Variants in DNPEP observed in about 807,000 individuals in gnomAD.
The protein encoded by DNPEP is aspartyl aminopeptidase.
In DNPEP, 46 loss-of-function variants were observed where a neutral mutation model predicts 59.1. The observed-to-expected ratio is 0.78, with a 90% CI of 0.61 to 0.99. The LOEUF is 0.99. DNPEP is among the 50% of genes least tolerant of loss of function. The pLI, the probability that DNPEP is intolerant of heterozygous loss-of-function variation, is 0.00. For missense variants in DNPEP, 617 were observed against 649.9 expected, an observed-to-expected ratio of 0.95 and a Z score of 0.55; for synonymous variants, 229 against 242.2, an observed-to-expected ratio of 0.95 and a Z score of 0.50.
At chr2:219,398,189 A>G (rs1382687805) in intron 1 of DNPEP, among the ~76,000 whole-genome samples, 1 of 152,220 alleles carries the variant, frequency 6.6e-6, no homozygotes, top group Admixed American at 6.5e-5. Flanking sequence ...AGTTCTTCAA[A>G]TAGTTAAGTG....
At chr2:219,377,361 C>CTTG (rs1191743512) in intron 13 of DNPEP, among the ~76,000 whole-genome samples, 1 of 143,592 alleles carries the variant, frequency 7.0e-6, no homozygotes, top group Non-Finnish European at 1.5e-5. Context: ...AAATACGGGG[C>CTTG]TTACAGACAA....
chr2:219,385,716 G>T lies in DNPEP; in HGVS notation c.591-10C>A. The stretch of plus-strand genomic sequence containing the variant: ...GGCAAGAATGGGGACTCTGTGGGGA[G>T]ACGTGGGTTGTGGGGGGATTGCGAG... On this transcript the variant is annotated splice_polypyrimidine_tract_variant and intron_variant, in intron 6 of 14. Coordinates refer to ENST00000273075, the MANE Select transcript of DNPEP (RefSeq NM_012100.4). 6.3e-7 allele frequency: 1 copy of T among 1,595,432 alleles called. No homozygotes were observed. Among genetic ancestry groups the T allele is most frequent in the African/African-American group, 1.3e-5 (1 of 74,620 alleles).
rs1181903791 is a variant in DNPEP, at chr2:219,382,126, C to T, written c.950G>A (p.Ser317Asn). The T allele has an allele frequency of 6.2e-7, 1 of 1,611,082 alleles. No individual in the cohort carries two copies. ...LYDNEEVGSE[S>N]AQGAQSLLTE... is the part of the protein sequence containing the mutation. Reference sequence around the variant, plus strand: ...CAGCAGTGACTGTGCTCCCTGTGCACTCTCAGACCCCACCTGGCGACAGTA... The same window carrying T: ...CAGCAGTGACTGTGCTCCCTGTGCATTCTCAGACCCCACCTGGCGACAGTA... The change falls in exon 11 of 15, where the codon AGT becomes AAT. Residue 317 changes from serine to asparagine, a missense_variant. Coordinates refer to ENST00000273075, the MANE Select transcript of DNPEP (RefSeq NM_012100.4).
Position 219,372,056 on chromosome 2 carries a change from A to G in DNPEP, c.*2236T>C, listed in dbSNP as rs1394133107. ...CAATGATATATGTACATTTATCTCAATGTTATTTAGAGTTGTCAACTGGAG... is the reference window on the plus strand; with the variant it reads ...CAATGATATATGTACATTTATCTCAGTGTTATTTAGAGTTGTCAACTGGAG... On this transcript the variant is annotated 3_prime_UTR_variant, in exon 15 of 15. Coordinates refer to ENST00000273075, the MANE Select transcript of DNPEP (RefSeq NM_012100.4). Among the ~76,000 whole-genome samples the G allele has an allele frequency of 6.6e-6, 1 of 152,222 alleles. No individual in the cohort carries two copies. The highest frequency in any genetic ancestry group is 1.5e-5 in the Non-Finnish European group (1 of 68,050).
intron 9 of DNPEP, among the ~76,000 whole-genome samples, 163 bp downstream of exon 9, chr2:219,384,203 C>T (rs751807198): frequency 9.2e-5 from 14 of 152,232 alleles, no homozygotes; most frequent in Admixed American, 2.0e-4. Flanking sequence ...GCTGAGGCTG[C>T]AACATTTAGG....
chr2:219,381,621 G>A, intron 11 of DNPEP, 37 bp from the exon 12 acceptor site: 1 of 1,610,252 alleles, frequency 6.2e-7, no homozygotes. Flanking sequence ...ATAGCAAACA[G>A]GAGCAGGCCT....
chr2:219,396,328 C>T (rs778441107), intron 1 of DNPEP, among the ~76,000 whole-genome samples: 8 of 152,126 alleles, frequency 5.3e-5, no homozygotes, highest in Non-Finnish European at 8.8e-5. Flanking sequence ...TGGCTTACAC[C>T]TCTAATCCCA....
At chr2:219,387,703 G>T in intron 1 of DNPEP, 56 bp downstream of exon 1, 1 of 1,605,220 alleles carries the variant, frequency 6.2e-7, no homozygotes. Flanking sequence ...GGCCCCGGAG[G>T]GCGCCGGACC....
chr2:219,389,344 C>G (rs533321286), upstream of DNPEP, among the ~76,000 whole-genome samples: 12 of 152,084 alleles, frequency 7.9e-5, no homozygotes, highest in African/African-American at 2.9e-4. Flanking sequence ...AAACAAAATT[C>G]CAGAGATCAC....
chr2:219,383,499 T>C (rs1431370043), intron 9 of DNPEP, among the ~76,000 whole-genome samples: 1 of 151,962 alleles, frequency 6.6e-6, no homozygotes. Context: ...TTCTTTTTTT[T>C]TTTGGCCAGA....
chr2:219,389,906 A>G (rs1953988078), upstream of DNPEP, among the ~76,000 whole-genome samples: 1 of 152,006 alleles, frequency 6.6e-6, no homozygotes, highest in African/African-American at 2.4e-5. Context: ...CTTGTCCTCT[A>G]CCTCCTGGGG....
intron 1 of DNPEP, among the ~76,000 whole-genome samples, chr2:219,397,541 A>G (rs1448654377): frequency 6.6e-6 from 1 of 152,158 alleles, no homozygotes; most frequent in Non-Finnish European, 1.5e-5. Context: ...TTGGGGAACA[A>G]GGAGTTCAGA....
intron 6 of DNPEP, 53 bp from the exon 7 acceptor site, chr2:219,385,759 C>A: frequency 6.7e-7 from 1 of 1,502,972 alleles, no homozygotes; most frequent in Non-Finnish European, 9.0e-7. Flanking sequence ...CAGCTGAGTG[C>A]GGCATCCATA....
intron 8 of DNPEP, 140 bp downstream of exon 8, chr2:219,385,284 G>A (rs1475511719): frequency 3.3e-6 from 2 of 611,922 alleles, no homozygotes; most frequent in Non-Finnish European, 3.0e-6. Context: ...AGAAGCAGTG[G>A]GGGATGTGTC....
chr2:219,381,519 C>G, intron 12 of DNPEP, 26 bp downstream of exon 12: 1 of 1,614,044 alleles, frequency 6.2e-7, no homozygotes, highest in Non-Finnish European at 8.5e-7. Context: ...ACCTCCAAGT[C>G]CCTAGGGAGA....
At chr2:219,378,579 C>T (rs1559332299) in intron 13 of DNPEP, among the ~76,000 whole-genome samples, 1 of 152,174 alleles carries the variant, frequency 6.6e-6, no homozygotes, top group African/African-American at 2.4e-5. Context: ...ACTGGACCGC[C>T]CATGCCTGAG....
At chr2:219,380,255 G>A (rs192587485) in intron 13 of DNPEP, among the ~76,000 whole-genome samples, 21 of 137,514 alleles carry the variant, frequency 1.5e-4, no homozygotes, top group African/African-American at 5.5e-4. Flanking sequence ...TCACTCTGTC[G>A]CCCAGGCTGG....
At chr2:219,399,967 C>T in exon 1 of DNPEP, 1 of 1,506,930 alleles carries the variant, frequency 6.6e-7, no homozygotes. Flanking sequence ...GTGGACAGGC[C>T]TGAACCGTGT....
intron 13 of DNPEP, among the ~76,000 whole-genome samples, chr2:219,376,479 C>A (rs1482584651): frequency 6.8e-6 from 1 of 147,780 alleles, no homozygotes; most frequent in Non-Finnish European, 1.5e-5. Context: ...CAGAGCGAGA[C>A]CCTGTCTAAA....
Sources: allele counts gnomAD v4.1 joint callset (sites outside exome capture counted in the v4.1 genomes callset), GRCh38; gene constraint gnomAD v4.1.1; transcripts MANE v1.5; gene names NCBI Gene and HGNC (gene_info 2026-07-23, HGNC 2026-07-21).